The following NRF1 variants were observed in gnomAD, a reference collection of about 807,000 sequenced individuals.
NRF1 encodes the protein nuclear respiratory factor 1.
A neutral mutation model predicts 58.5 loss-of-function variants in NRF1; 5 were observed. The ratio of observed to expected loss-of-function variants is 0.09; its 90% CI spans 0.04 to 0.18. The LOEUF is 0.18. Among genes scored for constraint, NRF1 ranks in the 10% least tolerant of loss-of-function variants. NRF1 has a pLI of 1.00. For synonymous variants in NRF1, 224 were observed against 246.7 expected, an observed-to-expected ratio of 0.91 and a Z score of 0.86; for missense variants, 288 against 657.7, an observed-to-expected ratio of 0.44 and a Z score of 6.15.
chr7:129,721,360 G>A (rs1206707834), intron 9 of NRF1, among the ~76,000 whole-genome samples: 1 of 151,926 alleles, frequency 6.6e-6, no homozygotes, highest in African/African-American at 2.4e-5. Flanking sequence ...GTGACTCAGT[G>A]CTATGGGGAA....
intron 1 of NRF1, among the ~76,000 whole-genome samples, chr7:129,651,483 T>C (rs1188852569): frequency 2.7e-5 from 4 of 150,636 alleles, no homozygotes; most frequent in Non-Finnish European, 4.4e-5. Flanking sequence ...TGGAAAGAGA[T>C]GAGGCTCTGG....
At chr7:129,754,513 A>C (rs1804205547) in intron 10 of NRF1, among the ~76,000 whole-genome samples, 1 of 147,670 alleles carries the variant, frequency 6.8e-6, no homozygotes, top group Non-Finnish European at 1.5e-5. Context: ...GATTTCCTAG[A>C]AGTAGAGAGT....
intron 10 of NRF1, among the ~76,000 whole-genome samples, chr7:129,754,642 G>A (rs1197632538): frequency 2.0e-5 from 3 of 151,858 alleles, no homozygotes; most frequent in East Asian, 1.9e-4. Context: ...TGACTGTAGC[G>A]AATAACAATG....
intron 2 of NRF1, among the ~76,000 whole-genome samples, chr7:129,663,984 G>A (rs1407041766): frequency 6.6e-6 from 1 of 151,760 alleles, no homozygotes; most frequent in East Asian, 1.9e-4. Flanking sequence ...AACCAGTCAG[G>A]AGTGGCGGCG....
intron 10 of NRF1, among the ~76,000 whole-genome samples, chr7:129,743,621 A>G (rs1562991208): frequency 6.6e-6 from 1 of 152,196 alleles, no homozygotes; most frequent in Non-Finnish European, 1.5e-5. Context: ...TGTAAGCATG[A>G]TGTTATTTAT....
intron 4 of NRF1, among the ~76,000 whole-genome samples, chr7:129,682,333 C>T (rs1417727546): frequency 6.6e-6 from 1 of 151,316 alleles, no homozygotes; most frequent in Admixed American, 6.6e-5. Context: ...GTAGCACATG[C>T]TTATAATCTT....
chr7:129,647,276 C>T (rs1005152864), intron 1 of NRF1, among the ~76,000 whole-genome samples: 2 of 151,718 alleles, frequency 1.3e-5, no homozygotes, highest in African/African-American at 2.4e-5. Context: ...GCGATCTGCC[C>T]GCCTCTGGCC....
chr7:129,688,154 C>A (rs2151091579), intron 4 of NRF1, among the ~76,000 whole-genome samples: 1 of 152,240 alleles, frequency 6.6e-6, no homozygotes, highest in East Asian at 1.9e-4. Context: ...ATTTTTGAGA[C>A]AAGGTCTGGC....
At chr7:129,709,729 C>CTT (rs71527924) in intron 6 of NRF1, among the ~76,000 whole-genome samples, 32 of 127,934 alleles carry the variant, frequency 2.5e-4, no homozygotes, top group African/African-American at 6.8e-4. Flanking sequence ...TCTTTTCTTT[C>CTT]TTTTTTTTTT....
chr7:129,675,333 T>C (rs1288153252), intron 3 of NRF1, among the ~76,000 whole-genome samples: 1 of 152,216 alleles, frequency 6.6e-6, no homozygotes, highest in Non-Finnish European at 1.5e-5. Flanking sequence ...TCTTCCAAAC[T>C]TCCATTAATG....
At chr7:129,629,812 T>C (rs1466229343) in intron 1 of NRF1, among the ~76,000 whole-genome samples, 1 of 152,154 alleles carries the variant, frequency 6.6e-6, no homozygotes, top group African/African-American at 2.4e-5. Context: ...AGGTGAAAGA[T>C]ATAATGGCTA....
intron 3 of NRF1, among the ~76,000 whole-genome samples, chr7:129,673,505 G>A (rs1488788587): frequency 1.3e-5 from 2 of 151,826 alleles, no homozygotes; most frequent in Non-Finnish European, 1.5e-5. Flanking sequence ...CGAGGCGGGC[G>A]GATCACGAGG....
intron 9 of NRF1, among the ~76,000 whole-genome samples, chr7:129,717,794 T>C (rs1803227689): frequency 6.6e-6 from 1 of 152,190 alleles, no homozygotes; most frequent in Admixed American, 6.5e-5. Context: ...TCCTATTCTG[T>C]GTCCAGTAAG....
At chr7:129,659,113 C>G (rs982691675) in intron 2 of NRF1, among the ~76,000 whole-genome samples, 57 of 131,390 alleles carry the variant, frequency 4.3e-4, no homozygotes, top group Non-Finnish European at 5.7e-4. Flanking sequence ...GAGTCTCACT[C>G]TGTCGCCCAG....
At chr7:129,615,944 T>G (rs1323347329) in intron 1 of NRF1, among the ~76,000 whole-genome samples, 1 of 152,208 alleles carries the variant, frequency 6.6e-6, no homozygotes, top group African/African-American at 2.4e-5. Context: ...GCAACAACAA[T>G]GCTTTGTTTG....
chr7:129,673,392 A>G (rs1265964045), intron 3 of NRF1, among the ~76,000 whole-genome samples: 2 of 152,196 alleles, frequency 1.3e-5, no homozygotes, highest in African/African-American at 4.8e-5. Flanking sequence ...TTCAGAGGGA[A>G]GAGGCAGTGT....
At chr7:129,737,716 AC>A (rs2116285262) in intron 10 of NRF1, among the ~76,000 whole-genome samples, 1 of 152,314 alleles carries the variant, frequency 6.6e-6, no homozygotes, top group African/African-American at 2.4e-5. Flanking sequence ...TCCAGTGTGT[AC>A]TAAATCACTT....
At chr7:129,716,433 C>G (rs1803190810) in intron 8 of NRF1, among the ~76,000 whole-genome samples, 1 of 151,736 alleles carries the variant, frequency 6.6e-6, no homozygotes, top group Non-Finnish European at 1.5e-5. Context: ...CTCTCATGGC[C>G]CATTTCTAAC....
chr7:129,648,645 AT>A (rs1801466472), intron 1 of NRF1, among the ~76,000 whole-genome samples: 1 of 151,806 alleles, frequency 6.6e-6, no homozygotes, highest in Admixed American at 6.6e-5. Context: ...TGTACTTTTG[AT>A]AGTTACATTG....
Sources: allele counts gnomAD v4.1 joint callset (sites outside exome capture counted in the v4.1 genomes callset), GRCh38; gene constraint gnomAD v4.1.1; transcripts MANE v1.5; gene names NCBI Gene and HGNC (gene_info 2026-07-23, HGNC 2026-07-21).